PCDHGB2: variants seen among roughly 807,000 people sequenced by gnomAD.
The protein encoded by PCDHGB2 is protocadherin gamma subfamily B, 2.
PCDHGB2 carries 55 observed loss-of-function variants against 59.3 expected under a neutral mutation model. The observed-to-expected ratio is 0.93, with a 90% confidence interval of 0.75 to 1.16. PCDHGB2 has a LOEUF of 1.16. Among genes scored for constraint, PCDHGB2 ranks in the 50% most tolerant of loss-of-function variants. PCDHGB2 has a pLI of 0.00. For missense variants in PCDHGB2, 1,228 were observed against 1,198.5 expected (o/e 1.02, Z -0.36); for synonymous variants, 516 against 512.0 (o/e 1.01, Z -0.11).
At position 141,361,570 on chromosome 5, in the gene PCDHGB2, C is replaced by A; in HGVS notation, c.1435C>A (p.Pro479Thr). The change falls in exon 1 of 4, where the codon CCT becomes ACT. Residue 479 changes from proline (P) to threonine (T), a missense_variant. Pro to Thr is a conservative substitution (Grantham distance 38). This residue lies in a region of PCDHGB2 where 781 missense variants were observed against 721.6 expected (regional missense o/e 1.08). Coordinates refer to ENST00000522605, the MANE Select transcript of PCDHGB2 (RefSeq NM_018923.3). The part of the protein sequence containing the change: ...ASIAQISASD[P>T]DLGPSGQVSY... Reference sequence around the variant, plus strand: ...TATCGCTCAAATCAGTGCCTCTGACCCTGACTTGGGCCCCAGTGGCCAAGT... The same window carrying A: ...TATCGCTCAAATCAGTGCCTCTGACACTGACTTGGGCCCCAGTGGCCAAGT... 1 of 1,614,036 alleles carries A rather than the reference C, an allele frequency of 6.2e-7. No homozygotes were observed.
intron 1 of PCDHGB2, among the ~76,000 whole-genome samples, chr5:141,363,275 AT>A (rs1762863726): frequency 6.6e-6 from 1 of 152,224 alleles, no homozygotes; most frequent in Admixed American, 6.5e-5. Flanking sequence ...TTGCTTTTGA[AT>A]TTCCTAATTA....
chr5:141,424,797 C>G (rs1262781875), intron 1 of PCDHGB2: 1 of 151,908 alleles, frequency 6.6e-6, no homozygotes, highest in Non-Finnish European at 1.5e-5. Flanking sequence ...TTATTCAGAC[C>G]AACTTGTTAT....
intron 1 of PCDHGB2, chr5:141,383,239 A>G: frequency 6.2e-7 from 1 of 1,613,966 alleles, no homozygotes; most frequent in Non-Finnish European, 8.5e-7. Flanking sequence ...GGAAGATAAA[A>G]TGAATCTTTA....
At chr5:141,407,429 C>T (rs2094929018) in intron 1 of PCDHGB2, among the ~76,000 whole-genome samples, 1 of 151,532 alleles carries the variant, frequency 6.6e-6, no homozygotes, top group Admixed American at 6.6e-5. Flanking sequence ...ATGTCTCTTG[C>T]CCTTAAAACC....
chr5:141,501,288 TATACACAC>T (rs1482707793), intron 2 of PCDHGB2, among the ~76,000 whole-genome samples: 1 of 81,228 alleles, frequency 1.2e-5, no homozygotes, highest in African/African-American at 4.9e-5. Flanking sequence ...GATATTCCCT[TATACACAC>T]ACACACACAC....
At chr5:141,375,511 A>G (rs372798366) in intron 1 of PCDHGB2, 69 of 1,613,842 alleles carry the variant, frequency 4.3e-5, no homozygotes, top group Non-Finnish European at 5.4e-5. Flanking sequence ...CTGTGAATGC[A>G]CTGGACCCTG....
At chr5:141,453,071 C>G (rs561248978) in intron 1 of PCDHGB2, among the ~76,000 whole-genome samples, 13 of 152,150 alleles carry the variant, frequency 8.5e-5, no homozygotes, top group South Asian at 2.1e-4. Flanking sequence ...TTTTGCCACA[C>G]TCTGGTTGAT....
intron 1 of PCDHGB2, chr5:141,478,233 TG>T (rs1467423955): frequency 3.7e-6 from 6 of 1,614,126 alleles, no homozygotes; most frequent in Non-Finnish European, 5.1e-6. Flanking sequence ...GTGGGGTTTG[TG>T]GTCACAGTGT....
Position 141,486,515 on chromosome 5 carries a change from G to A in PCDHGB2, c.2422-8292G>A. ...AACTATTTTCCTCAATATTTCAGAT[G>A]TGAATGATAATCCACCCTCTTTCTT... On this transcript the variant is annotated intron_variant, in intron 1 of 3. Transcript: ENST00000522605. This position sits in a 1 kb window ranked among gnomAD's most constrained non-coding sequence, Gnocchi z 5.0. 1 of 1,614,172 alleles carries A rather than the reference G, an allele frequency of 6.2e-7. No individual in the cohort carries two copies. The highest frequency in any genetic ancestry group is 8.5e-7 in the Non-Finnish European group (1 of 1,180,026).
At chr5:141,422,058 A>G (rs1015726657) in intron 1 of PCDHGB2, 3 of 1,611,890 alleles carry the variant, frequency 1.9e-6, no homozygotes, top group African/African-American at 2.7e-5. Flanking sequence ...TCAACGGGGA[A>G]GTAATGTATT....
intron 1 of PCDHGB2, chr5:141,423,310 G>A (rs1175296469): frequency 1.2e-6 from 2 of 1,614,180 alleles, no homozygotes; most frequent in Admixed American, 1.7e-5. Flanking sequence ...GCTGTACTTG[G>A]TGGTGGCGGT....
At chr5:141,483,854 T>C (rs2154580004) in intron 1 of PCDHGB2, among the ~76,000 whole-genome samples, 1 of 152,236 alleles carries the variant, frequency 6.6e-6, no homozygotes, top group South Asian at 2.1e-4. Flanking sequence ...ATTAAGAAAT[T>C]TCATGTCCAG....
chr5:141,408,398 C>A, intron 1 of PCDHGB2: 3 of 1,614,028 alleles, frequency 1.9e-6, no homozygotes, highest in Non-Finnish European at 2.5e-6. Context: ...GGCTCGCAAG[C>A]TGCGAGTGAG....
At chr5:141,419,159 T>G in intron 1 of PCDHGB2, 1 of 1,613,916 alleles carries the variant, frequency 6.2e-7, no homozygotes, top group Non-Finnish European at 8.5e-7. Flanking sequence ...TCCGTTATCC[T>G]CCAGCAAAAC....
chr5:141,399,043 G>T lies in PCDHGB2; in HGVS notation c.2421+36487G>T, dbSNP rs545668357. The T allele has an allele frequency of 3.0e-5, 48 of 1,613,890 alleles. No homozygotes were observed. The South Asian group carries it at 4.9e-4, about 17-fold the overall frequency. ...TACCACTCAAAAGAAACTGGATTTTGAAGAGACCAAGGAATATTCAATGGT... is the reference window on the plus strand; with the variant it reads ...TACCACTCAAAAGAAACTGGATTTTTAAGAGACCAAGGAATATTCAATGGT... On this transcript the variant is annotated intron_variant, in intron 1 of 3. Transcript: ENST00000522605.
intron 1 of PCDHGB2, chr5:141,419,302 C>A: frequency 6.2e-7 from 1 of 1,614,024 alleles, no homozygotes; most frequent in Non-Finnish European, 8.5e-7. Flanking sequence ...ACCCAGACTT[C>A]GGGCTCAACG....
intron 1 of PCDHGB2, among the ~76,000 whole-genome samples, chr5:141,453,095 G>T (rs1254113352): frequency 6.6e-6 from 1 of 151,962 alleles, no homozygotes; most frequent in African/African-American, 2.4e-5. Flanking sequence ...TATATTTTCT[G>T]TTGCTTTTTT....
intron 1 of PCDHGB2, chr5:141,408,214 C>G (rs1225368283): frequency 1.3e-6 from 2 of 1,555,192 alleles, no homozygotes; most frequent in Admixed American, 2.0e-5. Context: ...TGGGAGGGAG[C>G]TGCGCGCAGA....
chr5:141,485,387 C>T lies in PCDHGB2; in HGVS notation c.2422-9420C>T. The T allele has an allele frequency of 6.2e-7, 1 of 1,614,078 alleles. No homozygotes were observed. Among genetic ancestry groups the T allele is most frequent in the Non-Finnish European group, 8.5e-7 (1 of 1,179,994 alleles). On this transcript the variant is annotated intron_variant, in intron 1 of 3. Coordinates refer to ENST00000522605, the MANE Select transcript of PCDHGB2 (RefSeq NM_018923.3). This position sits in a 1 kb window ranked among gnomAD's most constrained non-coding sequence, Gnocchi z 5.7. ...GCTGCAGGTCGCTGGAGAGGTGAAC[C>T]AAAGACACTTCCGTGTGGATTTGGA...
Sources: allele counts gnomAD v4.1 joint callset (sites outside exome capture counted in the v4.1 genomes callset), GRCh38; gene constraint gnomAD v4.1.1; regional missense constraint gnomAD v4.1.1; non-coding constraint Gnocchi (gnomAD v3.1); transcripts MANE v1.5; gene names NCBI Gene and HGNC (gene_info 2026-07-23, HGNC 2026-07-21).